ZNRF1: variants seen among roughly 807,000 people sequenced by gnomAD.
The protein encoded by ZNRF1 is zinc and ring finger 1.
A neutral mutation model predicts 18.4 loss-of-function variants in ZNRF1; 3 were observed. That is an observed-to-expected ratio of 0.16 (90% CI 0.07 to 0.42). The LOEUF is 0.42. ZNRF1 is among the 10% of genes least tolerant of loss of function. The pLI is 0.99. For missense variants in ZNRF1, 310 were observed against 329.8 expected, an observed-to-expected ratio of 0.94 and a Z score of 0.47; for synonymous variants, 157 against 144.2, an observed-to-expected ratio of 1.09 and a Z score of -0.64.
Position 75,044,405 on chromosome 16 carries a change from T to G in ZNRF1, c.424+44310T>G, listed in dbSNP as rs539550723. ...CCATGCCCAGCTAATTTTTGTATTT[T>G]TAGTAGAGACTGGCTTTTGCCATGT... On this transcript the variant is annotated intron_variant, in intron 1 of 4. Transcript: ENST00000335325. 9.5e-4 allele frequency among the ~76,000 whole-genome samples: 144 copies of G among 151,638 alleles called. 1 individual carries two copies. The highest frequency in any genetic ancestry group is 3.4e-3 in the African/African-American group (139 of 41,346).
chr16:75,051,959 T>G (rs1284194255), intron 1 of ZNRF1, among the ~76,000 whole-genome samples: 1 of 152,280 alleles, frequency 6.6e-6, no homozygotes, highest in Non-Finnish European at 1.5e-5. Context: ...TATTTCAATA[T>G]GTACATCATT....
intron 1 of ZNRF1, among the ~76,000 whole-genome samples, chr16:75,025,537 C>G (rs1377636644): frequency 2.6e-5 from 4 of 152,158 alleles, no homozygotes; most frequent in Non-Finnish European, 5.9e-5. Context: ...GCCACAATTT[C>G]TCTATGAGTT....
chr16:75,105,085 AGAGTG>A (rs2036299267), intron 3 of ZNRF1, 196 bp downstream of exon 3: 2 of 527,860 alleles, frequency 3.8e-6, no homozygotes, highest in South Asian at 4.0e-5. Flanking sequence ...AGTGCAGAGC[AGAGTG>A]GAGTTGCCAG....
intron 2 of ZNRF1, among the ~76,000 whole-genome samples, chr16:75,099,101 AC>A (rs1432861500): frequency 1.3e-5 from 2 of 152,248 alleles, no homozygotes; most frequent in East Asian, 3.9e-4. Flanking sequence ...CCAAGGGAAG[AC>A]ACCCTTATGG....
chr16:75,011,990 GAA>G (rs767028988), intron 1 of ZNRF1, among the ~76,000 whole-genome samples: 47 of 152,260 alleles, frequency 3.1e-4, no homozygotes, highest in Non-Finnish European at 5.1e-4. Flanking sequence ...TCTTTTTAAT[GAA>G]ACAGTGTGAG....
intron 1 of ZNRF1, among the ~76,000 whole-genome samples, chr16:75,046,096 G>T (rs963723479): frequency 6.6e-6 from 1 of 151,196 alleles, no homozygotes; most frequent in African/African-American, 2.4e-5. Context: ...TAGAAACGGG[G>T]TTTCACCATG....
At chr16:75,078,167 C>G (rs73614091) in intron 1 of ZNRF1, among the ~76,000 whole-genome samples, 1 of 151,990 alleles carries the variant, frequency 6.6e-6, no homozygotes, top group African/African-American at 2.4e-5. Context: ...AGGAAATTGC[C>G]CTTGGTCACA....
chr16:75,028,850 C>T (rs2035259819), intron 1 of ZNRF1, among the ~76,000 whole-genome samples: 1 of 152,240 alleles, frequency 6.6e-6, no homozygotes, highest in South Asian at 2.1e-4. Context: ...ACTGTCTTCA[C>T]TGCTTCTAGA....
rs1356284390 is a variant in ZNRF1, at chr16:75,092,798, C to A, written c.425-774C>A. Among the ~76,000 whole-genome samples, 4 of 152,162 alleles carry A rather than the reference C, an allele frequency of 2.6e-5. No homozygotes were observed. The East Asian group carries it at 5.8e-4, about 22-fold the overall frequency. On this transcript the variant is annotated intron_variant, in intron 1 of 4. Coordinates refer to ENST00000335325, the MANE Select transcript of ZNRF1 (RefSeq NM_032268.5). Reference sequence around the variant, plus strand: ...GGTGAGGGAGAGAGTTGCTACCTGGCATGGGCGGCTGAGGCTGGGAGCTGG... The same window carrying A: ...GGTGAGGGAGAGAGTTGCTACCTGGAATGGGCGGCTGAGGCTGGGAGCTGG...
chr16:75,065,939 C>G (rs574079163), intron 1 of ZNRF1, among the ~76,000 whole-genome samples: 6 of 152,150 alleles, frequency 3.9e-5, no homozygotes, highest in Non-Finnish European at 8.8e-5. Flanking sequence ...TGACTTTTTC[C>G]AAGTCCTGCA....
intron 1 of ZNRF1, among the ~76,000 whole-genome samples, chr16:75,036,404 T>TA (rs372869120): frequency 5.4e-4 from 82 of 152,292 alleles, no homozygotes; most frequent in African/African-American, 1.4e-3. Context: ...GTGCTGAGAT[T>TA]ACAGCCGTGA....
At chr16:75,040,084 A>C (rs2035425205) in intron 1 of ZNRF1, among the ~76,000 whole-genome samples, 2 of 106,698 alleles carry the variant, frequency 1.9e-5, no homozygotes, top group Non-Finnish European at 1.7e-5. Flanking sequence ...TTACTCTGTC[A>C]CTCAGGCTAC....
At position 74,999,827 on chromosome 16, in the gene ZNRF1, C is replaced by G. The variant is rs1465823072; in HGVS notation, c.156C>G (p.Ser52Arg). Residue 52 changes from serine (S) to arginine (R), a missense_variant, in exon 1 of 5, where the codon AGC (serine) becomes AGG (arginine). Physicochemically the swap from Ser to Arg is moderately radical, Grantham distance 110. Around this residue, in one of 2 missense-constraint regions of ZNRF1, gnomAD observed 293 missense variants for 291.2 expected, o/e 1.01. Coordinates refer to ENST00000335325, the MANE Select transcript of ZNRF1 (RefSeq NM_032268.5). ...TGGGGCTGCGCAGCCGCTCGGTCAG[C>G]TCGGTGGCAGGCATGGGCATGGACC... is the stretch of plus-strand genomic sequence containing the variant. ...GAMGLRSRSV[S>R]SVAGMGMDPS... The G allele has an allele frequency of 6.8e-7, 1 of 1,461,958 alleles. No individual in the cohort carries two copies. The highest frequency in any genetic ancestry group is 9.0e-7 in the Non-Finnish European group (1 of 1,111,034). The allele number at this position is 1,461,958 out of a possible 1,614,324, so 90.6% of individuals were successfully genotyped here. A position where few individuals can be genotyped will look rare whatever the true frequency, so the allele number is the denominator to read the frequency against.
intron 1 of ZNRF1, among the ~76,000 whole-genome samples, chr16:75,019,760 T>C (rs1330874666): frequency 1.3e-5 from 2 of 152,216 alleles, no homozygotes; most frequent in Non-Finnish European, 2.9e-5. Context: ...GGTCTTGCTT[T>C]GTTGCCCAGG....
chr16:75,008,222 C>G (rs1460900800), intron 1 of ZNRF1, among the ~76,000 whole-genome samples: 1 of 152,118 alleles, frequency 6.6e-6, no homozygotes, highest in East Asian at 1.9e-4. Flanking sequence ...TAAGCAATCT[C>G]TACAGCTCGC....
At chr16:75,096,929 G>T (rs1308838642) in intron 2 of ZNRF1, among the ~76,000 whole-genome samples, 1 of 152,138 alleles carries the variant, frequency 6.6e-6, no homozygotes, top group African/African-American at 2.4e-5. Flanking sequence ...CAGGCACCTG[G>T]CTGGGGAAGT....
intron 1 of ZNRF1, among the ~76,000 whole-genome samples, 188 bp from the exon 2 acceptor site, chr16:75,093,384 C>CAAA (rs574718849): frequency 8.8e-5 from 6 of 67,912 alleles, no homozygotes; most frequent in African/African-American, 3.0e-4. Flanking sequence ...GACTTCGTCT[C>CAAA]AAAAAAAAAA....
chr16:75,031,957 C>T (rs967931135), intron 1 of ZNRF1, among the ~76,000 whole-genome samples: 9 of 152,126 alleles, frequency 5.9e-5, no homozygotes, highest in Non-Finnish European at 1.2e-4. Context: ...TATACTCCCA[C>T]CAACAGTATA....
Position 75,010,584 on chromosome 16 carries a change from G to T in ZNRF1, c.424+10489G>T, listed in dbSNP as rs2034981796. Among the ~76,000 whole-genome samples, 3 of 152,046 alleles carry T rather than the reference G, an allele frequency of 2.0e-5. No individual in the cohort carries two copies. In the South Asian group the frequency reaches 6.2e-4, roughly 32 times the overall value. On this transcript the variant is annotated intron_variant, in intron 1 of 4. Transcript: ENST00000335325. ...CTCTCATCTTGGTCTTGGTGAATCA[G>T]ACTTGTCATAGGAGTGCTCCAACTT...
Sources: gnomAD v4.1 joint callset for allele counts (sites outside exome capture counted in the v4.1 genomes callset) on GRCh38, gnomAD v4.1.1 for gene constraint, gnomAD v4.1.1 regional missense constraint, MANE v1.5 for transcripts, NCBI Gene and HGNC (gene_info 2026-07-23, HGNC 2026-07-21) for gene names.